SCN3A: variants seen among roughly 807,000 people sequenced by gnomAD.
The protein encoded by SCN3A is sodium channel protein type 3 subunit alpha.
In SCN3A, 60 loss-of-function variants were observed where a neutral mutation model predicts 187.6. The observed-to-expected ratio is 0.32, with a 90% CI of 0.26 to 0.40. The LOEUF (loss-of-function observed/expected upper bound fraction) is 0.40. SCN3A is among the 10% of genes least tolerant of loss of function. The pLI, the probability that SCN3A is intolerant of heterozygous loss-of-function variation, is 1.00. For missense variants in SCN3A, 1,601 were observed against 2,428.2 expected (o/e 0.66, Z 7.16); for synonymous variants, 788 against 829.2 (o/e 0.95, Z 0.85).
chr2:165,129,680 C>T (rs1385837241), intron 17 of SCN3A, among the ~76,000 whole-genome samples: 3 of 152,096 alleles, frequency 2.0e-5, no homozygotes, highest in African/African-American at 4.8e-5. Context: ...AATATTTATG[C>T]CCCCAGGCAT....
intron 9 of SCN3A, among the ~76,000 whole-genome samples, chr2:165,156,917 T>C (rs184503048): frequency 6.6e-6 from 1 of 152,174 alleles, no homozygotes; most frequent in East Asian, 1.9e-4. Flanking sequence ...TTCTTTTTTT[T>C]TGTTTTGTTT....
intron 12 of SCN3A, among the ~76,000 whole-genome samples, chr2:165,144,763 C>T (rs79800315): frequency 3.9e-5 from 6 of 151,964 alleles, no homozygotes; most frequent in Non-Finnish European, 8.8e-5. Context: ...TATTCATTGT[C>T]CGTCTCCTTT....
chr2:165,129,799 G>T, intron 17 of SCN3A, 141 bp downstream of exon 17: 1 of 1,021,212 alleles, frequency 9.8e-7, no homozygotes, highest in Non-Finnish European at 1.5e-6. Flanking sequence ...TAAATAACTT[G>T]CTTATTCTCT....
At chr2:165,144,214 G>C (rs779348343) in intron 12 of SCN3A, among the ~76,000 whole-genome samples, 1 of 152,124 alleles carries the variant, frequency 6.6e-6, no homozygotes, top group Admixed American at 6.6e-5. Flanking sequence ...TACAGAAGCA[G>C]AAATTGTAAA....
At position 165,089,390 on chromosome 2, in the gene SCN3A, G is replaced by A. The variant is rs1285110396; in HGVS notation, c.*760C>T. 6.6e-6 allele frequency: 1 copy of A among 152,500 alleles called. No individual in the cohort carries two copies. The highest frequency in any genetic ancestry group is 1.5e-5 in the Non-Finnish European group (1 of 67,990). 9.4% of individuals were successfully genotyped at this position (152,500 alleles called of 1,614,324 possible). A position where few individuals can be genotyped will look rare whatever the true frequency, so the allele number is the denominator to read the frequency against. Reference sequence around the variant, plus strand: ...GATTTATTAGATTACTTTTTGGAAAGCATTTGACCTAAATTAAATATAGAG... The same window carrying A: ...GATTTATTAGATTACTTTTTGGAAAACATTTGACCTAAATTAAATATAGAG... On this transcript the variant is annotated 3_prime_UTR_variant, in exon 28 of 28. Transcript: ENST00000283254.
chr2:165,188,518 G>A (rs1489668405), intron 1 of SCN3A, among the ~76,000 whole-genome samples: 4 of 152,110 alleles, frequency 2.6e-5, no homozygotes, highest in Non-Finnish European at 5.9e-5. Context: ...AGCAGGGCGC[G>A]GTGGCTCACG....
intron 25 of SCN3A, among the ~76,000 whole-genome samples, chr2:165,095,297 A>C (rs535240654): frequency 6.6e-6 from 1 of 152,188 alleles, no homozygotes; most frequent in Admixed American, 6.5e-5. Context: ...AGGAGTGGAC[A>C]CATTTTTGGG....
Position 165,139,507 on chromosome 2 carries a change from G to T in SCN3A, c.2121C>A (p.Ser707Arg), listed in dbSNP as rs370351101. ...EDSSGRQRAV[S>R]IASILTNTME... ...TTGTGTTGGTCAGAATGCTGGCTATGCTCACGGCTCTTTGCCTTCCAGAGG... is the reference window on the plus strand; with the variant it reads ...TTGTGTTGGTCAGAATGCTGGCTATTCTCACGGCTCTTTGCCTTCCAGAGG... The change falls in exon 14 of 28, where the codon AGC (serine) becomes AGA (arginine). Residue 707 changes from serine to arginine, a missense_variant. Ser to Arg is a moderately radical substitution (Grantham distance 110). Around this residue, in one of 11 missense-constraint regions of SCN3A, gnomAD observed 376 missense variants for 476.0 expected, o/e 0.79. Transcript: ENST00000283254. 6.2e-7 allele frequency: 1 copy of T among 1,613,798 alleles called. No homozygotes were observed. The highest frequency in any genetic ancestry group is 8.5e-7 in the Non-Finnish European group (1 of 1,179,902).
intron 21 of SCN3A, among the ~76,000 whole-genome samples, chr2:165,100,681 T>C (rs1685564727): frequency 1.3e-5 from 2 of 152,196 alleles, no homozygotes; most frequent in South Asian, 4.1e-4. Context: ...TTTTATACCA[T>C]GGACCCCTTT....
intron 21 of SCN3A, 60 bp from the exon 22 acceptor site, chr2:165,100,484 T>C (rs2105660755): frequency 6.5e-7 from 1 of 1,542,734 alleles, no homozygotes; most frequent in Non-Finnish European, 8.9e-7. Flanking sequence ...ACTGAAGGTA[T>C]AGGGTGTGGT....
rs148563669 is a variant in SCN3A, at chr2:165,155,972, A to G, written c.1032-69T>C. ...AGCAATTTCAATTTATTTGACTTAT[A>G]GGAATTTTCAAAACCCAAAGCTGCT... On this transcript the variant is annotated intron_variant, in intron 9 of 27. Coordinates refer to ENST00000283254, the MANE Select transcript of SCN3A (RefSeq NM_006922.4). 245 of 1,597,840 alleles carry G rather than the reference A, an allele frequency of 1.5e-4. 1 individual carries two copies. In the African/African-American group the frequency reaches 3.0e-3, roughly 20 times the overall value.
chr2:165,094,588 C>A, intron 25 of SCN3A, 110 bp from the exon 26 acceptor site: 1 of 733,832 alleles, frequency 1.4e-6, no homozygotes, highest in Non-Finnish European at 2.4e-6. Flanking sequence ...ATATTATCCT[C>A]CTACATATAC....
chr2:165,115,079 G>A (rs893502146), intron 19 of SCN3A, among the ~76,000 whole-genome samples: 2 of 151,764 alleles, frequency 1.3e-5, no homozygotes, highest in Non-Finnish European at 2.9e-5. Flanking sequence ...TTTGAGACAG[G>A]GTCTTGCTCT....
At chr2:165,192,079 GTT>G (rs1352044022) in intron 1 of SCN3A, among the ~76,000 whole-genome samples, 1 of 151,864 alleles carries the variant, frequency 6.6e-6, no homozygotes, top group Non-Finnish European at 1.5e-5. Flanking sequence ...AGATAACTTT[GTT>G]TTGTATTATA....
chr2:165,200,932 T>G (rs149595258), intron 1 of SCN3A, among the ~76,000 whole-genome samples: 642 of 152,214 alleles, frequency 4.2e-3, no homozygotes, highest in Non-Finnish European at 5.6e-3. Flanking sequence ...GTTAATAGAA[T>G]TGAAGCATTA....
intron 1 of SCN3A, chr2:165,195,681 T>C (rs752157355): frequency 6.6e-6 from 1 of 152,128 alleles, no homozygotes; most frequent in Non-Finnish European, 1.5e-5. Context: ...CAGTGTTTTC[T>C]GAACTGGCAC....
chr2:165,100,285 G>T lies in SCN3A; in HGVS notation c.3966+17C>A. 6.2e-7 allele frequency: 1 copy of T among 1,612,398 alleles called. No individual in the cohort carries two copies. On this transcript the variant is annotated intron_variant, in intron 22 of 27. Transcript: ENST00000283254. Reference sequence around the variant, plus strand: ...TGTAATTTTGACATGAATAATTAGAGTGTCTATTCTTCTTACCCTCATGCC... The same window carrying T: ...TGTAATTTTGACATGAATAATTAGATTGTCTATTCTTCTTACCCTCATGCC...
intron 5 of SCN3A, among the ~76,000 whole-genome samples, chr2:165,167,085 G>A (rs1689814278): frequency 6.6e-6 from 1 of 152,076 alleles, no homozygotes; most frequent in Non-Finnish European, 1.5e-5. Context: ...ATTTTTAGTA[G>A]AGATGGGGTT....
chr2:165,170,892 T>G (rs1690061832), intron 3 of SCN3A, among the ~76,000 whole-genome samples: 1 of 152,052 alleles, frequency 6.6e-6, no homozygotes, highest in Admixed American at 6.6e-5. Flanking sequence ...CAGATTACTC[T>G]GTACACATTG....
Sources: allele counts gnomAD v4.1 joint callset (sites outside exome capture counted in the v4.1 genomes callset), GRCh38; gene constraint gnomAD v4.1.1; regional missense constraint gnomAD v4.1.1; transcripts MANE v1.5; gene names NCBI Gene and HGNC (gene_info 2026-07-23, HGNC 2026-07-21).